The following RPS6KA2 variants were observed in gnomAD, a reference collection of about 807,000 sequenced individuals.
RPS6KA2 encodes the protein ribosomal protein S6 kinase A2.
A neutral mutation model predicts 91.8 loss-of-function variants in RPS6KA2; 42 were observed. The observed-to-expected ratio is 0.46, with a 90% CI of 0.36 to 0.59. The LOEUF (loss-of-function observed/expected upper bound fraction) is 0.59, where lower values mean the gene tolerates loss of function less well. Among genes scored for constraint, RPS6KA2 ranks in the 20% least tolerant of loss-of-function variants. The pLI, the probability that RPS6KA2 is intolerant of heterozygous loss-of-function variation, is 0.00. For missense variants in RPS6KA2, 798 were observed against 978.5 expected, an observed-to-expected ratio of 0.82 and a Z score of 2.46; for synonymous variants, 414 against 393.6, an observed-to-expected ratio of 1.05 and a Z score of -0.61.
At chr6:166,447,759 G>A (rs1049870818) in intron 14 of RPS6KA2, among the ~76,000 whole-genome samples, 7 of 152,172 alleles carry the variant, frequency 4.6e-5, no homozygotes, top group African/African-American at 1.7e-4. Flanking sequence ...TTGCTGGCTG[G>A]GCAGATGTTC....
intron 2 of RPS6KA2, among the ~76,000 whole-genome samples, chr6:166,741,846 G>A (rs141701915): frequency 1.1e-3 from 170 of 152,346 alleles, no homozygotes; most frequent in Non-Finnish European, 1.5e-3. Context: ...GAAAGGCCAG[G>A]CCGGGCGCAG....
At chr6:166,700,743 G>C (rs1487660211) in intron 2 of RPS6KA2, among the ~76,000 whole-genome samples, 1 of 152,080 alleles carries the variant, frequency 6.6e-6, no homozygotes. Flanking sequence ...TGAATTTAGT[G>C]AAAGCATCAT....
At chr6:166,497,075 C>T (rs1354263157) in intron 8 of RPS6KA2, among the ~76,000 whole-genome samples, 2 of 152,214 alleles carry the variant, frequency 1.3e-5, no homozygotes, top group African/African-American at 4.8e-5. Context: ...AAACCTGCCT[C>T]ACTGACCTAT....
intron 2 of RPS6KA2, among the ~76,000 whole-genome samples, chr6:166,668,016 G>T (rs1450386525): frequency 6.6e-6 from 1 of 152,220 alleles, no homozygotes; most frequent in East Asian, 1.9e-4. Flanking sequence ...TTTGGAGATT[G>T]ATGGGCACAT....
chr6:166,551,001 A>G (rs1458688416), intron 1 of RPS6KA2, among the ~76,000 whole-genome samples: 2 of 151,310 alleles, frequency 1.3e-5, no homozygotes, highest in African/African-American at 4.8e-5. Flanking sequence ...TCTCAAAAAA[A>G]AAAAAAAAAA....
chr6:166,504,490 GT>G lies in RPS6KA2; in HGVS notation c.566+15del, dbSNP rs1782128510. 6.4e-7 allele frequency: 1 copy of G among 1,551,378 alleles called. No individual in the cohort carries two copies. The highest frequency in any genetic ancestry group is 8.8e-7 in the Non-Finnish European group (1 of 1,131,206). On this transcript the variant is annotated intron_variant, in intron 6 of 20. Coordinates refer to ENST00000265678, the MANE Select transcript of RPS6KA2 (RefSeq NM_021135.6). Reference sequence around the variant, plus strand: ...GATGGGCGTGGGGAAGTCAGCCCTAGTTTTTTCTCACTTACTTCTCAGGCTT... The same window carrying G: ...GATGGGCGTGGGGAAGTCAGCCCTAGTTTTTCTCACTTACTTCTCAGGCTT...
intron 2 of RPS6KA2, among the ~76,000 whole-genome samples, chr6:166,688,372 C>T (rs1469142280): frequency 2.0e-5 from 3 of 152,220 alleles, no homozygotes; most frequent in Non-Finnish European, 4.4e-5. Flanking sequence ...ACTCGTGTCC[C>T]ACCTGCCCGG....
chr6:166,751,504 G>A (rs941175839), intron 2 of RPS6KA2, among the ~76,000 whole-genome samples: 1 of 152,248 alleles, frequency 6.6e-6, no homozygotes, highest in African/African-American at 2.4e-5. Context: ...GGAGGTGCAG[G>A]CCGGCCAGCC....
rs115342834 is a variant in RPS6KA2 at position 166,571,834 on chromosome 6, A to G, written c.100-33050T>C. 2.6e-3 allele frequency among the ~76,000 whole-genome samples: 397 copies of G among 152,342 alleles called. 1 individual carries two copies. The highest frequency in any genetic ancestry group is 9.1e-3 in the African/African-American group (380 of 41,568). ...GCAATCTGGTGCATTTGTATCAAAAATCATAATCTTGAAACAACTGACTTC... is the reference window on the plus strand; with the variant it reads ...GCAATCTGGTGCATTTGTATCAAAAGTCATAATCTTGAAACAACTGACTTC... On this transcript the variant is annotated intron_variant, in intron 1 of 20. Coordinates refer to ENST00000265678, the MANE Select transcript of RPS6KA2 (RefSeq NM_021135.6).
intron 2 of RPS6KA2, among the ~76,000 whole-genome samples, chr6:166,795,149 C>T (rs546338416): frequency 8.4e-4 from 127 of 152,038 alleles, no homozygotes; most frequent in Non-Finnish European, 1.7e-3. Context: ...AAAAGAAATA[C>T]ACATTATGTG....
chr6:166,482,808 AAGG>A (rs1781277540), intron 10 of RPS6KA2, among the ~76,000 whole-genome samples: 1 of 152,160 alleles, frequency 6.6e-6, no homozygotes, highest in Non-Finnish European at 1.5e-5. Context: ...GAGGGAGAGG[AAGG>A]AGGAGAGAGG....
chr6:166,428,450 A>C (rs1282044233), intron 16 of RPS6KA2, among the ~76,000 whole-genome samples: 2 of 139,796 alleles, frequency 1.4e-5, no homozygotes, highest in Non-Finnish European at 3.1e-5. Context: ...CAAAATTGAC[A>C]AATGGGATCT....
chr6:166,709,852 T>C (rs2128579655), intron 2 of RPS6KA2, among the ~76,000 whole-genome samples: 1 of 152,316 alleles, frequency 6.6e-6, no homozygotes, highest in South Asian at 2.1e-4. Context: ...AAGTGTTTAT[T>C]TGACTGATCA....
At chr6:166,453,199 A>ACACACAAT (rs763811003) in intron 12 of RPS6KA2, among the ~76,000 whole-genome samples, 5 of 106,182 alleles carry the variant, frequency 4.7e-5, no homozygotes, top group African/African-American at 3.5e-4. Flanking sequence ...AGACTCCATC[A>ACACACAAT]CACACACACA....
chr6:166,569,280 G>T (rs1360818841), intron 1 of RPS6KA2, among the ~76,000 whole-genome samples: 1 of 152,214 alleles, frequency 6.6e-6, no homozygotes, highest in African/African-American at 2.4e-5. Flanking sequence ...TTCCATGGCG[G>T]GTTTTCTTCT....
rs574279488 is a variant in RPS6KA2 at position 166,770,869 on chromosome 6, G to A, written c.123+87331C>T. 105 of 1,595,892 alleles carry A rather than the reference G, an allele frequency of 6.6e-5. No individual in the cohort carries two copies. The highest frequency in any genetic ancestry group is 4.0e-4 in the African/African-American group (30 of 74,826). ...CCACAGGAACGCTTCTTACCTCTAC[G>A]GATCCAGCTACCTTTGTCTTGCAGG... On this transcript the variant is annotated intron_variant, in intron 2 of 21. Coordinates refer to the RPS6KA2 transcript ENST00000503859. This position sits in a 1 kb window ranked among gnomAD's most constrained non-coding sequence, Gnocchi z 5.1.
At position 166,816,860 on chromosome 6, in the gene RPS6KA2, T is replaced by TG. The variant is rs1248315709; in HGVS notation, c.123+41339_123+41340insC. ...GGGAATTGTTCAAAAGAACAACAGG[T>TG]AGTGCTCCACAGAGCACCACTGACT... On this transcript the variant is annotated intron_variant, in intron 2 of 21. Coordinates refer to the RPS6KA2 transcript ENST00000503859. 3.9e-5 allele frequency among the ~76,000 whole-genome samples: 6 copies of TG among 152,272 alleles called. No individual in the cohort carries two copies. In the East Asian group the frequency reaches 1.2e-3, roughly 29 times the overall value.
Position 166,603,557 on chromosome 6 carries a change from G to C in RPS6KA2, c.99+23364C>G, listed in dbSNP as rs1051904369. On this transcript the variant is annotated intron_variant, in intron 1 of 20. Transcript: ENST00000265678. The surrounding 1 kb of genome is among the most constrained non-coding windows in gnomAD (Gnocchi z 4.3). The stretch of plus-strand genomic sequence containing the variant: ...CTGGAGTCGAGGGCGCCCAGGTAAA[G>C]GGCTTTGGCATGGAAGTGCAGGTTG... 1.3e-5 allele frequency among the ~76,000 whole-genome samples: 2 copies of C among 152,200 alleles called. No individual in the cohort carries two copies. The highest frequency in any genetic ancestry group is 2.4e-5 in the African/African-American group (1 of 41,458).
chr6:166,666,532 C>T lies in RPS6KA2; in HGVS notation c.124-127748G>A, dbSNP rs192650730. Among the ~76,000 whole-genome samples the T allele has an allele frequency of 6.6e-6, 1 of 152,268 alleles. No individual in the cohort carries two copies. Among genetic ancestry groups the T allele is most frequent in the Admixed American group, 6.5e-5 (1 of 15,296 alleles). On this transcript the variant is annotated intron_variant, in intron 2 of 21. Coordinates refer to the RPS6KA2 transcript ENST00000503859. The surrounding 1 kb of genome is among the most constrained non-coding windows in gnomAD (Gnocchi z 4.0). ...CCAGTCACTAATCCTTAGGGAAATG[C>T]AAATCAACACCACAAGCAAATCAAC...
Sources: gnomAD v4.1 joint callset for allele counts (sites outside exome capture counted in the v4.1 genomes callset) on GRCh38, gnomAD v4.1.1 for gene constraint, Gnocchi (gnomAD v3.1) non-coding constraint, MANE v1.5 for transcripts, NCBI Gene and HGNC (gene_info 2026-07-23, HGNC 2026-07-21) for gene names.